The following SETD1A variants were observed in gnomAD, a reference collection of about 807,000 sequenced individuals.
SETD1A encodes histone-lysine N-methyltransferase SETD1A.
SETD1A carries 29 observed loss-of-function variants against 149.9 expected under a neutral mutation model. The observed-to-expected ratio is 0.19, with a 90% CI of 0.14 to 0.26. SETD1A has a LOEUF of 0.26. Among genes scored for constraint, SETD1A ranks in the 10% least tolerant of loss-of-function variants. The pLI is 1.00. For missense variants in SETD1A, 2,109 were observed against 2,353.1 expected (o/e 0.90, Z 2.15); for synonymous variants, 1,141 against 968.5 (o/e 1.18, Z -3.31).
chr16:30,980,535 C>G lies in SETD1A; in HGVS notation c.4459C>G (p.Arg1487Gly). Residue 1487 changes from arginine (R) to glycine (G), a missense_variant, in exon 15 of 19, where the codon CGG becomes GGG. Physicochemically the swap from Arg to Gly is moderately radical, Grantham distance 125. Around this residue, in one of 8 missense-constraint regions of SETD1A, gnomAD observed 254 missense variants for 409.3 expected, o/e 0.62. Transcript: ENST00000262519. The surrounding 1 kb of genome is among the most constrained non-coding windows in gnomAD (Gnocchi z 7.7). ...CAAGCGGCGGCCCCAGGATGGGCCC[C>G]GGGAGCACCAGACAGGCTCAGCCCG... ...KRKRRPQDGP[R>G]EHQTGSARSE... 1 of 1,614,128 alleles carries G rather than the reference C, an allele frequency of 6.2e-7. No homozygotes were observed. The highest frequency in any genetic ancestry group is 8.5e-7 in the Non-Finnish European group (1 of 1,180,028).
intron 1 of SETD1A, chr16:30,958,342 G>A (rs1255667744): frequency 1.1e-5 from 2 of 177,940 alleles, no homozygotes; most frequent in Non-Finnish European, 2.4e-5. Context: ...AGGAGAGCGG[G>A]TGTGTGGGAG....
chr16:30,961,377 G>A lies in SETD1A; in HGVS notation c.357G>A (p.Glu119=). The change falls in exon 4 of 19, where the codon GAG becomes GAA. Residue 119 remains glutamate (E), a synonymous_variant. Coordinates refer to ENST00000262519, the MANE Select transcript of SETD1A (RefSeq NM_014712.3). This position sits in a 1 kb window ranked among gnomAD's most constrained non-coding sequence, Gnocchi z 4.0. ...FLKDMCRKYG[E]VEEVEILLHP... ...AGGATATGTGCCGTAAGTACGGTGA[G>A]GTGGAAGAGGTAGAGATCCTCCTTC... 1.2e-6 allele frequency: 2 copies of A among 1,614,216 alleles called. No homozygotes were observed. The highest frequency in any genetic ancestry group is 1.1e-5 in the South Asian group (1 of 91,088).
In SETD1A at chr16:30,958,824, C is replaced by T. The variant is rs976418283; in HGVS notation, c.93C>T (p.Ala31=). The change falls in exon 2 of 19, where the codon GCC becomes GCT. Residue 31 remains alanine, a synonymous_variant. Coordinates refer to ENST00000262519, the MANE Select transcript of SETD1A (RefSeq NM_014712.3). The stretch of plus-strand genomic sequence containing the variant: ...TCGTGGATCCTGCCTTGGACCCTGC[C>T]CTGCGCAGGCCTTCTCAGAAGGTGT... ...KLIVDPALDP[A]LRRPSQKVYR... 5 of 1,614,012 alleles carry T rather than the reference C, an allele frequency of 3.1e-6. No homozygotes were observed. The highest frequency in any genetic ancestry group is 2.2e-5 in the East Asian group (1 of 44,894).
At chr16:30,965,489 AC>A in intron 7 of SETD1A, 28 bp downstream of exon 7, 1 of 1,583,610 alleles carries the variant, frequency 6.3e-7, no homozygotes, top group Non-Finnish European at 8.6e-7. Flanking sequence ...CAGAGGAGGC[AC>A]CTGGGCTCTG....
chr16:30,980,903 C>T lies in SETD1A; in HGVS notation c.4692+54C>T. 1 of 1,548,850 alleles carries T rather than the reference C, an allele frequency of 6.5e-7. No individual in the cohort carries two copies. Among genetic ancestry groups the T allele is most frequent in the Non-Finnish European group, 8.8e-7 (1 of 1,131,084 alleles). ...TGGGGTGGGGTGGGGCAGGAAGGGGCAGAGGCCAGGGGACCACCCAGCAGG... is the reference window on the plus strand; with the variant it reads ...TGGGGTGGGGTGGGGCAGGAAGGGGTAGAGGCCAGGGGACCACCCAGCAGG... On this transcript the variant is annotated intron_variant, in intron 16 of 18. Coordinates refer to ENST00000262519, the MANE Select transcript of SETD1A (RefSeq NM_014712.3). This position sits in a 1 kb window ranked among gnomAD's most constrained non-coding sequence, Gnocchi z 7.7.
chr16:30,959,140 T>G lies in SETD1A; in HGVS notation c.200T>G (p.Val67Gly). Reference protein sequence around the residue: ...VEDLQDPRCHVRSKNRDFSLP... With the variant: ...VEDLQDPRCHGRSKNRDFSLP... ...GACCTCCAAGACCCCCGTTGCCATG[T>G]CAGGTCCAAAAACAGAGACTTTTCC... The change falls in exon 3 of 19, where the codon GTC (valine) becomes GGC (glycine). Residue 67 changes from valine (V) to glycine (G), a missense_variant. By Grantham distance (109) the Val-to-Gly change is moderately radical. Coordinates refer to ENST00000262519, the MANE Select transcript of SETD1A (RefSeq NM_014712.3). 1 of 1,613,984 alleles carries G rather than the reference T, an allele frequency of 6.2e-7. No individual in the cohort carries two copies. Among genetic ancestry groups the G allele is most frequent in the Non-Finnish European group, 8.5e-7 (1 of 1,179,852 alleles).
At chr16:30,971,334 T>C in intron 12 of SETD1A, 44 bp from the exon 13 acceptor site, 1 of 1,534,408 alleles carries the variant, frequency 6.5e-7, no homozygotes, top group Non-Finnish European at 8.8e-7. Flanking sequence ...GCTGGCCAAG[T>C]GAGGTCTGCC....
rs1327651838 is a variant in SETD1A, at chr16:30,961,916, T to C, written c.517+379T>C. Among the ~76,000 whole-genome samples the C allele has an allele frequency of 6.6e-6, 1 of 152,164 alleles. No homozygotes were observed. The highest frequency in any genetic ancestry group is 2.4e-5 in the African/African-American group (1 of 41,432). On this transcript the variant is annotated intron_variant, in intron 4 of 18. Coordinates refer to ENST00000262519, the MANE Select transcript of SETD1A (RefSeq NM_014712.3). This position sits in a 1 kb window ranked among gnomAD's most constrained non-coding sequence, Gnocchi z 4.0. The stretch of plus-strand genomic sequence containing the variant: ...TAGGCTGGAGAGCAGTGGCGTGATC[T>C]TTCCTCACTGCAGCCTCCAGCTCCT...
At chr16:30,971,802 C>G in intron 13 of SETD1A, 83 bp downstream of exon 13, 4 of 1,451,228 alleles carry the variant, frequency 2.8e-6, no homozygotes, top group Non-Finnish European at 3.6e-6. Context: ...TTATTGTGTA[C>G]AAGTGTGTGA....
At position 30,966,264 on chromosome 16, in the gene SETD1A, C is replaced by T. The variant is rs771052520; in HGVS notation, c.2383C>T (p.Leu795Phe). The T allele has an allele frequency of 6.2e-7, 1 of 1,613,884 alleles. No homozygotes were observed. Among genetic ancestry groups the T allele is most frequent in the Non-Finnish European group, 8.5e-7 (1 of 1,180,012 alleles). ...GACAGCAGGCACCGTGGGCCGTGTG[C>T]TCGCCATGCTGGTCCAGGAGATGAA... ...LPTAGTVGRV[L>F]AMLVQEMKSI... The change falls in exon 8 of 19, where the codon CTC (leucine) becomes TTC (phenylalanine). Residue 795 changes from leucine to phenylalanine, a missense_variant. Leu to Phe is a conservative substitution (Grantham distance 22, BLOSUM62 0). Coordinates refer to ENST00000262519, the MANE Select transcript of SETD1A (RefSeq NM_014712.3).
chr16:30,972,168 C>T (rs1169765039), intron 13 of SETD1A, among the ~76,000 whole-genome samples: 1 of 152,178 alleles, frequency 6.6e-6, no homozygotes. Context: ...TACTCTAGCA[C>T]ATTCGCATAG....
chr16:30,967,686 C>A (rs1395729857), intron 10 of SETD1A, 98 bp downstream of exon 10: 2 of 969,592 alleles, frequency 2.1e-6, no homozygotes, highest in Non-Finnish European at 3.3e-6. Flanking sequence ...CCTGAGGGCA[C>A]AGCCAGGTGG....
chr16:30,972,638 CA>C (rs34067658), intron 13 of SETD1A, among the ~76,000 whole-genome samples: 56,285 of 118,712 alleles, frequency 0.47, 12,173 homozygotes, highest in South Asian at 0.7. Context: ...GACTCTGTCT[CA>C]AAAAAAAAAA....
chr16:30,969,944 CT>C (rs935500537), intron 12 of SETD1A, among the ~76,000 whole-genome samples: 1 of 152,012 alleles, frequency 6.6e-6, no homozygotes, highest in Non-Finnish European at 1.5e-5. Context: ...TGGCAGAACG[CT>C]TTTTTTGTTT....
chr16:30,968,809 A>AAT (rs954171363), intron 10 of SETD1A, among the ~76,000 whole-genome samples: 9 of 150,964 alleles, frequency 6.0e-5, no homozygotes, highest in Admixed American at 2.0e-4. Context: ...CAAAAAAAAA[A>AAT]ATATATATAT....
rs767398788 is a variant in SETD1A, at chr16:30,977,714, G to A, written c.3359-1431G>A. 1.6e-4 allele frequency among the ~76,000 whole-genome samples: 24 copies of A among 152,340 alleles called. 1 individual carries two copies. The East Asian group carries it at 1.7e-3, about 11-fold the overall frequency. On this transcript the variant is annotated intron_variant, in intron 13 of 18. Coordinates refer to ENST00000262519, the MANE Select transcript of SETD1A (RefSeq NM_014712.3). ...TGCTGCCACAGGCTGAGACCCCAGC[G>A]GGTGTCTAGAGCCTAAGGTGCAGCC...
In SETD1A at chr16:30,980,388, T is replaced by C. The variant is rs2056356547; in HGVS notation, c.4409-97T>C. 4 of 1,491,072 alleles carry C rather than the reference T, an allele frequency of 2.7e-6. No homozygotes were observed. The highest frequency in any genetic ancestry group is 3.6e-6 in the Non-Finnish European group (4 of 1,105,418). 92.4% of individuals were successfully genotyped at this position (1,491,072 alleles called of 1,614,324 possible). ...GGGCTGGGGCTTCCTCCCCTGTCCC[T>C]CACCTGGGTATGCTCAGCGGCGTGG... On this transcript the variant is annotated intron_variant, in intron 14 of 18. Transcript: ENST00000262519. The surrounding 1 kb of genome is among the most constrained non-coding windows in gnomAD (Gnocchi z 7.7).
chr16:30,969,681 T>C lies in SETD1A; in HGVS notation c.3008T>C (p.Val1003Ala). The C allele has an allele frequency of 6.2e-7, 1 of 1,613,270 alleles. No individual in the cohort carries two copies. The change falls in exon 12 of 19, where the codon GTG becomes GCG. Residue 1003 changes from valine (V) to alanine (A), a missense_variant. This residue lies in a region of SETD1A where 832 missense variants were observed against 815.6 expected (regional missense o/e 1.02). Transcript: ENST00000262519. ...GATACCACAAAGAAGGAGACAGAGG[T>C]GTCGGATGGTGAGCACAAGACAGTG... ...AVDTTKKETE[V>A]SDGEDEESDS...
At chr16:30,964,050 G>T in intron 5 of SETD1A, 44 bp from the exon 6 acceptor site, 1 of 1,489,906 alleles carries the variant, frequency 6.7e-7, no homozygotes, top group Non-Finnish European at 9.3e-7. Flanking sequence ...CTCAAGTGGT[G>T]TTTGAGCCCA....
Sources: allele counts gnomAD v4.1 joint callset (sites outside exome capture counted in the v4.1 genomes callset), GRCh38; gene constraint gnomAD v4.1.1; regional missense constraint gnomAD v4.1.1; non-coding constraint Gnocchi (gnomAD v3.1); transcripts MANE v1.5; gene names NCBI Gene and HGNC (gene_info 2026-07-23, HGNC 2026-07-21).